The following PLPPR4 variants were observed in gnomAD, a reference collection of about 807,000 sequenced individuals.
PLPPR4 encodes the protein phospholipid phosphatase-related protein type 4.
A neutral mutation model predicts 56.6 loss-of-function variants in PLPPR4; 24 were observed. The ratio of observed to expected loss-of-function variants is 0.42; its 90% confidence interval spans 0.31 to 0.60. The LOEUF (loss-of-function observed/expected upper bound fraction) is 0.60, where lower values mean the gene tolerates loss of function less well. Among genes scored for constraint, PLPPR4 ranks in the 20% least tolerant of loss-of-function variants. PLPPR4 has a pLI of 0.13. For missense variants in PLPPR4, 654 were observed against 885.8 expected (o/e 0.74, Z 3.32); for synonymous variants, 326 against 328.1 (o/e 0.99, Z 0.07).
intron 2 of PLPPR4, among the ~76,000 whole-genome samples, chr1:99,291,206 A>G (rs977959668): frequency 6.6e-6 from 1 of 152,228 alleles, no homozygotes; most frequent in South Asian, 2.1e-4. Flanking sequence ...ATCACTGATC[A>G]TTAGAGAAAT....
chr1:99,304,882 G>A (rs150030112), intron 6 of PLPPR4, among the ~76,000 whole-genome samples: 86 of 152,208 alleles, frequency 5.7e-4, no homozygotes, highest in African/African-American at 2.0e-3. Flanking sequence ...GATCTTCTAT[G>A]TGCCAAAAGG....
chr1:99,300,524 T>C (rs530440215), intron 4 of PLPPR4, among the ~76,000 whole-genome samples: 1 of 152,158 alleles, frequency 6.6e-6, no homozygotes. Flanking sequence ...TTTAGGAGCA[T>C]AGAAAAAGTT....
chr1:99,294,869 T>G (rs1379331614), intron 2 of PLPPR4, among the ~76,000 whole-genome samples: 2 of 152,060 alleles, frequency 1.3e-5, no homozygotes, highest in Non-Finnish European at 2.9e-5. Context: ...AGAAAAAAAA[T>G]TATTCACAGA....
chr1:99,285,771 A>T (rs1312116774), intron 1 of PLPPR4, among the ~76,000 whole-genome samples: 1 of 152,194 alleles, frequency 6.6e-6, no homozygotes, highest in Non-Finnish European at 1.5e-5. Flanking sequence ...TATTGTCTTT[A>T]TCAAAAACAT....
At chr1:99,289,724 G>T (rs963122237) in intron 2 of PLPPR4, among the ~76,000 whole-genome samples, 1 of 152,036 alleles carries the variant, frequency 6.6e-6, no homozygotes, top group Non-Finnish European at 1.5e-5. Context: ...ATGCGGAAAA[G>T]GTTTTCAATA....
chr1:99,296,147 T>A (rs1659734942), intron 2 of PLPPR4, among the ~76,000 whole-genome samples: 1 of 152,196 alleles, frequency 6.6e-6, no homozygotes, highest in African/African-American at 2.4e-5. Flanking sequence ...ATACTACCCT[T>A]CTGACCTAGA....
chr1:99,278,231 C>T (rs1291367051), intron 1 of PLPPR4, among the ~76,000 whole-genome samples: 2 of 152,000 alleles, frequency 1.3e-5, no homozygotes, highest in African/African-American at 4.8e-5. Context: ...GTTTGTAATC[C>T]AGCTAACAAG....
At chr1:99,295,360 A>T (rs576363824) in intron 2 of PLPPR4, among the ~76,000 whole-genome samples, 1 of 152,322 alleles carries the variant, frequency 6.6e-6, no homozygotes, top group East Asian at 1.9e-4. Flanking sequence ...GCTTGCTGTC[A>T]TTAGATTTTT....
chr1:99,285,046 G>C (rs1659428124), intron 1 of PLPPR4, among the ~76,000 whole-genome samples: 1 of 152,074 alleles, frequency 6.6e-6, no homozygotes, highest in Admixed American at 6.6e-5. Flanking sequence ...CATGAGAAAG[G>C]TGATGTTTAG....
chr1:99,298,560 T>G (rs1659802783), intron 3 of PLPPR4, among the ~76,000 whole-genome samples: 1 of 152,140 alleles, frequency 6.6e-6, no homozygotes, highest in South Asian at 2.1e-4. Context: ...TTAATTAGCA[T>G]TCCTAGTATG....
chr1:99,275,946 G>A (rs971230060), intron 1 of PLPPR4, among the ~76,000 whole-genome samples: 1 of 152,076 alleles, frequency 6.6e-6, no homozygotes, highest in African/African-American at 2.4e-5. Flanking sequence ...ATGACCCTAA[G>A]AATCACAAGG....
chr1:99,288,208 T>C, intron 2 of PLPPR4, 58 bp downstream of exon 2: 11 of 1,492,350 alleles, frequency 7.4e-6, no homozygotes, highest in Non-Finnish European at 9.2e-6. Flanking sequence ...AATCACCACA[T>C]TTGTATAATA....
chr1:99,296,742 T>C lies in PLPPR4; in HGVS notation c.269T>C (p.Met90Thr), dbSNP rs764816094. The change falls in exon 3 of 7, where the codon ATG becomes ACG. Residue 90 changes from methionine (M) to threonine (T), a missense_variant. Physicochemically the swap from Met to Thr is moderately conservative, Grantham distance 81. This residue lies in a region of PLPPR4 where 186 missense variants were observed against 331.4 expected (regional missense o/e 0.56). Transcript: ENST00000370185. ...AATACCCTTCTATCTTTGCAGATTA[T>C]GGTAGGAGAAGGAATTCTCTACTGT... ...LAFAGPAITI[M>T]VGEGILYCCL... The C allele has an allele frequency of 1.3e-6, 2 of 1,599,348 alleles. No homozygotes were observed. Among genetic ancestry groups the C allele is most frequent in the Non-Finnish European group, 1.7e-6 (2 of 1,170,642 alleles).
intron 1 of PLPPR4, among the ~76,000 whole-genome samples, chr1:99,270,002 T>TGC (rs1491510261): frequency 7.4e-5 from 4 of 53,728 alleles, no homozygotes; most frequent in African/African-American, 3.1e-4. Context: ...TCCTTTTGTG[T>TGC]GTGTGTGTGT....
In PLPPR4 at chr1:99,294,978, G is replaced by C. The variant is rs141258734; in HGVS notation, c.265-1760G>C. ...AATTTTCTGGAAATGATGAATTTGA[G>C]GTAGCAGTTATATTATTCTGTGTAA... is the stretch of plus-strand genomic sequence containing the variant. On this transcript the variant is annotated intron_variant, in intron 2 of 6. Coordinates refer to ENST00000370185, the MANE Select transcript of PLPPR4 (RefSeq NM_014839.5). Among the ~76,000 whole-genome samples, 642 of 152,246 alleles carry C rather than the reference G, an allele frequency of 4.2e-3. 6 individuals are homozygous for C. The highest frequency in any genetic ancestry group is 0.015 in the African/African-American group (608 of 41,548).
chr1:99,290,088 G>A (rs1659576706), intron 2 of PLPPR4, among the ~76,000 whole-genome samples: 1 of 152,150 alleles, frequency 6.6e-6, no homozygotes, highest in Non-Finnish European at 1.5e-5. Context: ...AGCAGCTTCA[G>A]CAAAGGCTCA....
intron 1 of PLPPR4, among the ~76,000 whole-genome samples, chr1:99,275,480 A>T (rs895586665): frequency 6.6e-6 from 1 of 152,142 alleles, no homozygotes; most frequent in African/African-American, 2.4e-5. Context: ...GAACAATGCA[A>T]ATAGCTGAGA....
chr1:99,304,672 G>A (rs938100029), intron 6 of PLPPR4, among the ~76,000 whole-genome samples: 2 of 152,178 alleles, frequency 1.3e-5, no homozygotes, highest in Non-Finnish European at 2.9e-5. Context: ...CCTGAAATTG[G>A]AAAATTTTCA....
chr1:99,298,431 C>T (rs1659799805), intron 3 of PLPPR4, among the ~76,000 whole-genome samples: 1 of 152,040 alleles, frequency 6.6e-6, no homozygotes, highest in African/African-American at 2.4e-5. Flanking sequence ...ATAATTTGGA[C>T]CAAGATATGT....
Sources: gnomAD v4.1 joint callset for allele counts (sites outside exome capture counted in the v4.1 genomes callset) on GRCh38, gnomAD v4.1.1 for gene constraint, gnomAD v4.1.1 regional missense constraint, MANE v1.5 for transcripts, NCBI Gene and HGNC (gene_info 2026-07-23, HGNC 2026-07-21) for gene names.